Variants in RSRC1 observed in about 807,000 individuals in gnomAD.
The protein encoded by RSRC1 is serine/Arginine-related protein 53.
In RSRC1, 39 loss-of-function variants were observed where a neutral mutation model predicts 49.1. The observed-to-expected ratio is 0.79, with a 90% CI of 0.61 to 1.04. The LOEUF is 1.04. RSRC1 is among the 50% of genes least tolerant of loss of function. The pLI is 0.00. For synonymous variants in RSRC1, 143 were observed against 130.8 expected (o/e 1.09, Z -0.63); for missense variants, 388 against 402.4 (o/e 0.96, Z 0.31).
At chr3:158,298,163 G>T (rs1727344220) in intron 5 of RSRC1, 88 bp downstream of exon 5, 3 of 987,914 alleles carry the variant, frequency 3.0e-6, no homozygotes, top group Non-Finnish European at 4.7e-6. Flanking sequence ...TGAATACTTT[G>T]TATTGAGAAA....
intron 4 of RSRC1, among the ~76,000 whole-genome samples, chr3:158,287,361 A>G (rs1283448717): frequency 6.6e-6 from 1 of 152,184 alleles, no homozygotes; most frequent in Non-Finnish European, 1.5e-5. Flanking sequence ...TAGAAGTAAT[A>G]GAATGCATGA....
intron 6 of RSRC1, among the ~76,000 whole-genome samples, chr3:158,397,600 CTGTT>C (rs1319055346): frequency 6.6e-5 from 10 of 152,008 alleles, no homozygotes; most frequent in African/African-American, 2.4e-4. Context: ...ACAGCATTGT[CTGTT>C]AGTGTATTAT....
chr3:158,488,626 C>G (rs1738930947), intron 7 of RSRC1, among the ~76,000 whole-genome samples: 1 of 152,022 alleles, frequency 6.6e-6, no homozygotes, highest in Admixed American at 6.6e-5. Context: ...GCAAAGGGTC[C>G]ATTAAAGAAA....
intron 1 of RSRC1, among the ~76,000 whole-genome samples, chr3:158,115,357 T>G (rs1325010235): frequency 6.6e-6 from 1 of 151,548 alleles, no homozygotes; most frequent in East Asian, 1.9e-4. Context: ...TTTCTGCTTG[T>G]TTGTGCCTTA....
At chr3:158,432,026 G>C (rs547580763) in intron 6 of RSRC1, among the ~76,000 whole-genome samples, 1 of 152,082 alleles carries the variant, frequency 6.6e-6, no homozygotes, top group Non-Finnish European at 1.5e-5. Flanking sequence ...GGCAAAGAGT[G>C]CTGGTGAGTT....
At chr3:158,273,230 G>A (rs1459587831) in intron 4 of RSRC1, among the ~76,000 whole-genome samples, 2 of 151,984 alleles carry the variant, frequency 1.3e-5, no homozygotes, top group African/African-American at 4.8e-5. Flanking sequence ...TATTATTGGA[G>A]GGTTAATATA....
rs149797269 is a variant in RSRC1 at position 158,253,144 on chromosome 3, T to C, written c.495-44895T>C. On this transcript the variant is annotated intron_variant, in intron 4 of 9. Coordinates refer to ENST00000611884, the MANE Select transcript of RSRC1 (RefSeq NM_001271838.2). The stretch of plus-strand genomic sequence containing the variant: ...TTTGGTTTGGTCTTCTATTTTCTTT[T>C]GCTTTATGATGTATCGCTGGCTTGT... Among the ~76,000 whole-genome samples, 197 of 152,184 alleles carry C rather than the reference T, an allele frequency of 1.3e-3. 3 individuals are homozygous for C. In the East Asian group the frequency reaches 0.032, roughly 25 times the overall value.
chr3:158,128,639 A>G (rs367783339), intron 3 of RSRC1, among the ~76,000 whole-genome samples: 1 of 152,214 alleles, frequency 6.6e-6, no homozygotes, highest in Non-Finnish European at 1.5e-5. Flanking sequence ...GGACATTAAC[A>G]TTGATACAGT....
chr3:158,296,399 T>C (rs559611875), intron 4 of RSRC1, among the ~76,000 whole-genome samples: 1 of 151,284 alleles, frequency 6.6e-6, no homozygotes, highest in Admixed American at 6.6e-5. Context: ...GAACTGGGAG[T>C]CAGTGATGGG....
At chr3:158,505,618 C>T (rs1370889034) in intron 7 of RSRC1, among the ~76,000 whole-genome samples, 1 of 151,934 alleles carries the variant, frequency 6.6e-6, no homozygotes, top group Admixed American at 6.6e-5. Flanking sequence ...TTTTGAAAAA[C>T]TAGATAATAG....
intron 6 of RSRC1, among the ~76,000 whole-genome samples, chr3:158,392,728 T>C (rs1170465589): frequency 2.0e-5 from 3 of 152,196 alleles, no homozygotes; most frequent in South Asian, 4.1e-4. Flanking sequence ...ACACTAATAG[T>C]GGAAGACTTC....
intron 5 of RSRC1, among the ~76,000 whole-genome samples, chr3:158,306,048 G>C (rs1727819725): frequency 6.6e-6 from 1 of 151,896 alleles, no homozygotes; most frequent in East Asian, 1.9e-4. Context: ...CTAACTATGA[G>C]AACATTTTGT....
rs1448630409 is a variant in RSRC1 at position 158,537,250 on chromosome 3, G to A, written c.759+52G>A. ...TAAACCTTTGGATTCTACCTGAAGAGATGCTTTATTAATGGATTTTACTTA... is the reference window on the plus strand; with the variant it reads ...TAAACCTTTGGATTCTACCTGAAGAAATGCTTTATTAATGGATTTTACTTA... On this transcript the variant is annotated intron_variant, in intron 8 of 9. Transcript: ENST00000611884. 4 of 1,053,906 alleles carry A rather than the reference G, an allele frequency of 3.8e-6. No individual in the cohort carries two copies. The South Asian group carries it at 6.8e-5, about 18-fold the overall frequency. 65.3% of individuals were successfully genotyped at this position (1,053,906 alleles called of 1,614,324 possible).
At chr3:158,276,922 A>G (rs987992812) in intron 4 of RSRC1, among the ~76,000 whole-genome samples, 2 of 152,194 alleles carry the variant, frequency 1.3e-5, no homozygotes, top group Admixed American at 1.3e-4. Context: ...CTAAAGTCAA[A>G]ATAACCTCAT....
intron 7 of RSRC1, among the ~76,000 whole-genome samples, chr3:158,535,687 T>C (rs1346385773): frequency 6.6e-6 from 1 of 151,372 alleles, no homozygotes; most frequent in African/African-American, 2.4e-5. Context: ...TGAAAGGATA[T>C]AGGAATCAAC....
intron 4 of RSRC1, among the ~76,000 whole-genome samples, chr3:158,228,613 T>A (rs1722655960): frequency 6.6e-6 from 1 of 152,034 alleles, no homozygotes. Context: ...TATTGTGATT[T>A]ATCAAACTAT....
At chr3:158,372,795 G>A (rs927780371) in intron 6 of RSRC1, among the ~76,000 whole-genome samples, 2 of 151,754 alleles carry the variant, frequency 1.3e-5, no homozygotes, top group African/African-American at 4.8e-5. Flanking sequence ...GGGGAGAATT[G>A]GCATCTTAAC....
chr3:158,123,215 C>G (rs1715396515), intron 2 of RSRC1, among the ~76,000 whole-genome samples: 1 of 152,192 alleles, frequency 6.6e-6, no homozygotes, highest in African/African-American at 2.4e-5. Flanking sequence ...CCATGTTGGT[C>G]AGGCTGGTCT....
intron 5 of RSRC1, among the ~76,000 whole-genome samples, chr3:158,339,298 CAAAAAAAAAAA>C (rs57120150): frequency 2.7e-5 from 2 of 73,816 alleles, no homozygotes; most frequent in African/African-American, 5.4e-5. Context: ...GACTCCGTCT[CAAAAAAAAAAA>C]AAAAAAAAAA....
Sources: allele counts gnomAD v4.1 joint callset (sites outside exome capture counted in the v4.1 genomes callset), GRCh38; gene constraint gnomAD v4.1.1; transcripts MANE v1.5; gene names NCBI Gene and HGNC (gene_info 2026-07-23, HGNC 2026-07-21).